Variants in TNR observed in about 807,000 individuals in gnomAD.
TNR encodes the protein tenascin R.
TNR carries 45 observed loss-of-function variants against 150.4 expected under a neutral mutation model. The ratio of observed to expected loss-of-function variants is 0.30; its 90% CI spans 0.24 to 0.38. The LOEUF (loss-of-function observed/expected upper bound fraction) is 0.38. TNR is among the 10% of genes least tolerant of loss of function. TNR has a pLI of 1.00. For synonymous variants in TNR, 687 were observed against 678.4 expected (o/e 1.01, Z -0.20); for missense variants, 1,544 against 1,759.1 (o/e 0.88, Z 2.19).
In TNR at chr1:175,331,063, T is replaced by TTCCTTC. The variant is rs879939935; in HGVS notation, c.3632-829_3632-828insGAAGGA. ...TTTCTTTCTTTCTTTCTTTCTTTCT[T>TTCCTTC]TCTTTCTTTCTTTCCTTCTTTCTTT... is the stretch of plus-strand genomic sequence containing the variant. On this transcript the variant is annotated intron_variant, in intron 20 of 22. Coordinates refer to ENST00000367674, the MANE Select transcript of TNR (RefSeq NM_003285.3). Among the ~76,000 whole-genome samples the TTCCTTC allele has an allele frequency of 1.4e-3, 183 of 127,972 alleles. 9 individuals are homozygous for TTCCTTC. Among genetic ancestry groups the TTCCTTC allele is most frequent in the African/African-American group, 3.9e-3 (123 of 31,324 alleles). The allele number at this position is 127,972 out of a possible 152,430, so 84.0% of individuals were successfully genotyped here. A position where few individuals can be genotyped will look rare whatever the true frequency, so the allele number is the denominator to read the frequency against.
At chr1:175,543,195 G>A (rs1049552842) in intron 1 of TNR, among the ~76,000 whole-genome samples, 1 of 152,196 alleles carries the variant, frequency 6.6e-6, no homozygotes, top group Non-Finnish European at 1.5e-5. Context: ...GGGTAATAGG[G>A]TAGTCCAGTT....
intron 1 of TNR, among the ~76,000 whole-genome samples, chr1:175,650,241 A>T (rs1171040666): frequency 6.6e-6 from 1 of 152,006 alleles, no homozygotes; most frequent in Non-Finnish European, 1.5e-5. Flanking sequence ...AAATTAGCTG[A>T]GTGTGGTGGA....
chr1:175,367,349 G>A, intron 9 of TNR, 52 bp from the exon 10 acceptor site: 1 of 1,518,798 alleles, frequency 6.6e-7, no homozygotes, highest in Non-Finnish European at 9.1e-7. Context: ...GCAGGGCTAG[G>A]AAGGCTGAAA....
intron 2 of TNR, among the ~76,000 whole-genome samples, chr1:175,407,901 G>A (rs1318657835): frequency 6.6e-6 from 1 of 152,216 alleles, no homozygotes; most frequent in African/African-American, 2.4e-5. Flanking sequence ...CTTGAAAAGA[G>A]TGTTCAATTT....
chr1:175,600,133 C>G (rs957113293), intron 1 of TNR, among the ~76,000 whole-genome samples: 3 of 152,158 alleles, frequency 2.0e-5, no homozygotes, highest in Admixed American at 1.3e-4. Context: ...TGATCTTGAG[C>G]AGGTTACTTA....
chr1:175,458,904 C>T (rs1354204246), intron 2 of TNR, among the ~76,000 whole-genome samples: 1 of 151,864 alleles, frequency 6.6e-6, no homozygotes, highest in East Asian at 1.9e-4. Flanking sequence ...CAACTGTCAT[C>T]ATCGCTTCTA....
intron 18 of TNR, among the ~76,000 whole-genome samples, chr1:175,339,446 C>T (rs960259523): frequency 6.6e-6 from 1 of 152,188 alleles, no homozygotes; most frequent in Non-Finnish European, 1.5e-5. Flanking sequence ...TTCATAGTTC[C>T]TGATCCCACC....
intron 1 of TNR, among the ~76,000 whole-genome samples, chr1:175,546,274 C>T (rs1026031575): frequency 1.6e-4 from 25 of 152,224 alleles, no homozygotes; most frequent in African/African-American, 5.1e-4. Flanking sequence ...AAATGAGTTA[C>T]CCAGGGTAAT....
intron 2 of TNR, among the ~76,000 whole-genome samples, chr1:175,416,550 C>A (rs1372701054): frequency 1.3e-5 from 2 of 151,222 alleles, no homozygotes; most frequent in African/African-American, 4.9e-5. Context: ...TTCAATTATT[C>A]TTCTTGAAGA....
At chr1:175,568,694 G>A (rs1203584165) in intron 1 of TNR, among the ~76,000 whole-genome samples, 1 of 152,138 alleles carries the variant, frequency 6.6e-6, no homozygotes, top group Non-Finnish European at 1.5e-5. Context: ...CTCTGTTCAC[G>A]GTTTCTACTG....
At chr1:175,379,179 CAAAA>C (rs148710947) in intron 9 of TNR, among the ~76,000 whole-genome samples, 40 of 114,766 alleles carry the variant, frequency 3.5e-4, no homozygotes, top group East Asian at 7.3e-4. Context: ...AACTCCGTCT[CAAAA>C]AAAAAAAAAA....
chr1:175,631,605 T>C (rs888188399), intron 1 of TNR, among the ~76,000 whole-genome samples: 2 of 152,204 alleles, frequency 1.3e-5, no homozygotes, highest in African/African-American at 2.4e-5. Context: ...CTGTGGCCTA[T>C]ATATTGGGGG....
rs142170802 is a variant in TNR at position 175,597,637 on chromosome 1, G to A, written c.-164-69268C>T. Reference sequence around the variant, plus strand: ...CTATACCTGCTGATGGTTTTAGATGGAGGAAGAGGCCTATTGGTTTGGAAT... The same window carrying A: ...CTATACCTGCTGATGGTTTTAGATGAAGGAAGAGGCCTATTGGTTTGGAAT... On this transcript the variant is annotated intron_variant, in intron 1 of 22. Coordinates refer to ENST00000367674, the MANE Select transcript of TNR (RefSeq NM_003285.3). 2.4e-4 allele frequency among the ~76,000 whole-genome samples: 37 copies of A among 152,298 alleles called. 1 individual carries two copies. In the East Asian group the frequency reaches 7.1e-3, roughly 29 times the overall value.
chr1:175,345,456 CTTTA>C (rs960439782), intron 18 of TNR, among the ~76,000 whole-genome samples: 7 of 151,996 alleles, frequency 4.6e-5, no homozygotes, highest in Non-Finnish European at 7.4e-5. Context: ...AGCACAATAA[CTTTA>C]TTTAAGGAGG....
chr1:175,668,687 G>A (rs545303399), intron 1 of TNR, among the ~76,000 whole-genome samples: 20 of 152,270 alleles, frequency 1.3e-4, no homozygotes, highest in South Asian at 2.1e-4. Context: ...AACACCTACC[G>A]TGACCGGCAC....
intron 1 of TNR, among the ~76,000 whole-genome samples, chr1:175,728,875 C>G (rs371224633): frequency 4.6e-5 from 7 of 152,298 alleles, no homozygotes; most frequent in Admixed American, 3.3e-4. Context: ...CCATTGTTTC[C>G]TCCTACTTAA....
At chr1:175,504,797 A>G (rs1658882892) in intron 2 of TNR, among the ~76,000 whole-genome samples, 1 of 152,202 alleles carries the variant, frequency 6.6e-6, no homozygotes, top group Non-Finnish European at 1.5e-5. Flanking sequence ...ATGTCACTGT[A>G]TTTGGAACTA....
intron 1 of TNR, among the ~76,000 whole-genome samples, chr1:175,652,691 C>T (rs1331868553): frequency 6.6e-6 from 1 of 152,186 alleles, no homozygotes; most frequent in African/African-American, 2.4e-5. Context: ...GCCTGCTTCC[C>T]CTTTGCCTTC....
At chr1:175,550,500 C>T (rs146976522) in intron 1 of TNR, among the ~76,000 whole-genome samples, 1,835 of 150,756 alleles carry the variant, frequency 0.012, 19 homozygotes, top group Non-Finnish European at 0.02. Flanking sequence ...TCCCCCCTCA[C>T]CCCCCATCCT....
Sources: allele counts gnomAD v4.1 joint callset (sites outside exome capture counted in the v4.1 genomes callset), GRCh38; gene constraint gnomAD v4.1.1; transcripts MANE v1.5; gene names NCBI Gene and HGNC (gene_info 2026-07-23, HGNC 2026-07-21).